OSBPL10: variants seen among roughly 807,000 people sequenced by gnomAD.
The protein encoded by OSBPL10 is oxysterol-binding protein-related protein 10.
In OSBPL10, 49 loss-of-function variants were observed where a neutral mutation model predicts 81.7. The observed-to-expected ratio is 0.60, with a 90% CI of 0.48 to 0.76. The LOEUF (loss-of-function observed/expected upper bound fraction) is 0.76, where lower values mean the gene tolerates loss of function less well. Ranked by LOEUF, OSBPL10 falls within the 30% of genes least tolerant of loss-of-function variation. OSBPL10 has a pLI of 0.00. For synonymous variants in OSBPL10, 419 were observed against 383.6 expected (o/e 1.09, Z -1.08); for missense variants, 923 against 987.8 (o/e 0.93, Z 0.88).
chr3:32,029,580 C>T (rs1699448351), intron 2 of OSBPL10, among the ~76,000 whole-genome samples: 1 of 152,142 alleles, frequency 6.6e-6, no homozygotes, highest in Non-Finnish European at 1.5e-5. Context: ...AACCCTAATG[C>T]AAGTCTCGCA....
intron 4 of OSBPL10, among the ~76,000 whole-genome samples, chr3:31,774,190 C>T (rs552089057): frequency 4.3e-4 from 65 of 149,740 alleles, no homozygotes; most frequent in African/African-American, 1.5e-3. Flanking sequence ...GAAAGACAGA[C>T]TGAAAACAGA....
intron 4 of OSBPL10, among the ~76,000 whole-genome samples, chr3:31,771,398 T>C (rs185994051): frequency 4.2e-4 from 64 of 152,158 alleles, no homozygotes; most frequent in African/African-American, 1.4e-3. Context: ...AGTGTCCTTA[T>C]GCAAAGGCTG....
chr3:31,998,644 T>C (rs960957453), intron 2 of OSBPL10, among the ~76,000 whole-genome samples: 1 of 152,254 alleles, frequency 6.6e-6, no homozygotes. Flanking sequence ...CCTCTAGTCA[T>C]TTAAATTCCC....
At chr3:32,075,659 A>T (rs1001568351) in intron 1 of OSBPL10, among the ~76,000 whole-genome samples, 1 of 152,144 alleles carries the variant, frequency 6.6e-6, no homozygotes, top group African/African-American at 2.4e-5. Flanking sequence ...TCCCGCTTGA[A>T]GCAGCCCTGA....
At chr3:31,698,623 A>T (rs980856012) in intron 7 of OSBPL10, among the ~76,000 whole-genome samples, 1 of 151,986 alleles carries the variant, frequency 6.6e-6, no homozygotes, top group Non-Finnish European at 1.5e-5. Context: ...AATCCCACTC[A>T]ATTCACTCTG....
intron 6 of OSBPL10, chr3:31,710,646 CAG>C (rs1372574078): frequency 1.3e-5 from 2 of 152,250 alleles, no homozygotes; most frequent in Non-Finnish European, 2.9e-5. Flanking sequence ...TGCAGTGAAT[CAG>C]AGATAGTATC....
At chr3:31,957,322 G>C (rs150265472) in intron 1 of OSBPL10, among the ~76,000 whole-genome samples, 1 of 151,930 alleles carries the variant, frequency 6.6e-6, no homozygotes, top group East Asian at 1.9e-4. Context: ...ACTCAGTTAC[G>C]ATAAATCCAT....
intron 11 of OSBPL10, chr3:31,663,432 G>T: frequency 1.0e-6 from 1 of 987,348 alleles, no homozygotes; most frequent in Non-Finnish European, 1.2e-6. Context: ...TTCCAATTCT[G>T]TTCTCAGAGT....
rs1247492172 is a variant in OSBPL10, at chr3:31,661,239, T to C, written c.*833A>G. ...AAATACAAGATTGAGGCTGTGGTTG[T>C]GCATGTTTTCATGTGCATGCATGTA... On this transcript the variant is annotated 3_prime_UTR_variant, in exon 12 of 12. Transcript: ENST00000396556. The C allele has an allele frequency of 6.6e-6, 1 of 152,568 alleles. No individual in the cohort carries two copies. Among genetic ancestry groups the C allele is most frequent in the Non-Finnish European group, 1.5e-5 (1 of 68,042 alleles). 9.5% of individuals were successfully genotyped at this position (152,568 alleles called of 1,614,324 possible). A position where few individuals can be genotyped will look rare whatever the true frequency, so the allele number is the denominator to read the frequency against.
At chr3:31,759,016 T>C (rs544957729) in intron 4 of OSBPL10, among the ~76,000 whole-genome samples, 1 of 152,264 alleles carries the variant, frequency 6.6e-6, no homozygotes, top group South Asian at 2.1e-4. Context: ...TTGACAGAAC[T>C]ATGAAGAGTG....
At chr3:31,899,806 C>A (rs1696178846) in intron 1 of OSBPL10, among the ~76,000 whole-genome samples, 1 of 152,044 alleles carries the variant, frequency 6.6e-6, no homozygotes, top group Admixed American at 6.6e-5. Flanking sequence ...CAGAGTGAGA[C>A]CCCACCTCTA....
At chr3:31,925,339 C>T (rs1444679879) in intron 1 of OSBPL10, among the ~76,000 whole-genome samples, 2 of 152,108 alleles carry the variant, frequency 1.3e-5, no homozygotes, top group African/African-American at 4.8e-5. Flanking sequence ...ACCTTATCTC[C>T]AGCCATCCTC....
At chr3:31,862,964 C>T (rs923828915) in intron 3 of OSBPL10, among the ~76,000 whole-genome samples, 12 of 152,114 alleles carry the variant, frequency 7.9e-5, no homozygotes, top group Non-Finnish European at 1.2e-4. Context: ...AACTGGCATA[C>T]AAATGTTCAC....
chr3:32,052,744 G>A (rs1699678298), intron 1 of OSBPL10, among the ~76,000 whole-genome samples: 1 of 152,168 alleles, frequency 6.6e-6, no homozygotes, highest in African/African-American at 2.4e-5. Flanking sequence ...ACAAGTGGGA[G>A]TTGAACAATG....
At chr3:31,751,395 A>G (rs2125704214) in intron 4 of OSBPL10, among the ~76,000 whole-genome samples, 1 of 88,118 alleles carries the variant, frequency 1.1e-5, no homozygotes, top group South Asian at 3.7e-4. Flanking sequence ...AAAATAAAAT[A>G]AAATAAAATA....
At chr3:31,679,093 G>T (rs990713986) in intron 8 of OSBPL10, among the ~76,000 whole-genome samples, 1 of 152,022 alleles carries the variant, frequency 6.6e-6, no homozygotes, top group Non-Finnish European at 1.5e-5. Context: ...CAGACACAGT[G>T]GCCCCTGGCT....
At chr3:32,058,616 C>T (rs1280499143) in intron 1 of OSBPL10, among the ~76,000 whole-genome samples, 15 of 151,866 alleles carry the variant, frequency 9.9e-5, no homozygotes, top group Non-Finnish European at 5.9e-5. Flanking sequence ...CATGAGCCAC[C>T]CCACCCAGCC....
intron 1 of OSBPL10, among the ~76,000 whole-genome samples, chr3:31,933,487 C>G (rs1202367719): frequency 6.6e-6 from 1 of 151,920 alleles, no homozygotes; most frequent in East Asian, 1.9e-4. Flanking sequence ...TCACTGCAGC[C>G]TCGATCTCCT....
chr3:31,783,146 T>TATAC (rs1485968747), intron 4 of OSBPL10, among the ~76,000 whole-genome samples: 40 of 113,008 alleles, frequency 3.5e-4, no homozygotes, highest in African/African-American at 8.4e-4. Flanking sequence ...TATATATATA[T>TATAC]ACACACACAC....
Sources: gnomAD v4.1 joint callset for allele counts (sites outside exome capture counted in the v4.1 genomes callset) on GRCh38, gnomAD v4.1.1 for gene constraint, MANE v1.5 for transcripts, NCBI Gene and HGNC (gene_info 2026-07-23, HGNC 2026-07-21) for gene names.